The following PRDM5 variants were observed in gnomAD, a reference collection of about 807,000 sequenced individuals.
PRDM5 encodes PR domain zinc finger protein 5.
In PRDM5, 56 loss-of-function variants were observed where a neutral mutation model predicts 81.2. The observed-to-expected ratio is 0.69, with a 90% confidence interval of 0.56 to 0.86. The LOEUF (loss-of-function observed/expected upper bound fraction) is 0.86. Ranked by LOEUF, PRDM5 falls within the 40% of genes least tolerant of loss-of-function variation. The pLI, the probability that PRDM5 is intolerant of heterozygous loss-of-function variation, is 0.00. For missense variants in PRDM5, 697 were observed against 770.1 expected (o/e 0.91, Z 1.12); for synonymous variants, 267 against 256.4 (o/e 1.04, Z -0.39).
chr4:120,807,266 T>A (rs183588322), intron 8 of PRDM5, among the ~76,000 whole-genome samples: 1 of 152,336 alleles, frequency 6.6e-6, no homozygotes, highest in East Asian at 1.9e-4. Context: ...TGTAAATTAG[T>A]TCAACCATTG....
At chr4:120,792,233 T>C (rs1750682104) in intron 10 of PRDM5, among the ~76,000 whole-genome samples, 1 of 152,180 alleles carries the variant, frequency 6.6e-6, no homozygotes, top group Non-Finnish European at 1.5e-5. Context: ...CATGTGGTAA[T>C]AATTAACAAA....
intron 10 of PRDM5, among the ~76,000 whole-genome samples, chr4:120,792,954 AG>A (rs1561254664): frequency 6.6e-6 from 1 of 152,140 alleles, no homozygotes; most frequent in Non-Finnish European, 1.5e-5. Flanking sequence ...ATGTTGGTCA[AG>A]GGATACAAAG....
At chr4:120,863,126 C>G (rs1184092115) in intron 2 of PRDM5, among the ~76,000 whole-genome samples, 1 of 141,194 alleles carries the variant, frequency 7.1e-6, no homozygotes, top group East Asian at 2.1e-4. Flanking sequence ...CTATTACACT[C>G]CAGCCTGGGT....
At chr4:120,775,033 C>G (rs1487399209) in intron 13 of PRDM5, among the ~76,000 whole-genome samples, 1 of 150,312 alleles carries the variant, frequency 6.7e-6, no homozygotes, top group African/African-American at 2.4e-5. Flanking sequence ...ATTTCTTTAT[C>G]TATCAATCAA....
chr4:120,835,957 G>A (rs1433506870), intron 3 of PRDM5, among the ~76,000 whole-genome samples: 1 of 152,142 alleles, frequency 6.6e-6, no homozygotes, highest in Non-Finnish European at 1.5e-5. Flanking sequence ...AAAGCATCAA[G>A]TGGCTTCATA....
chr4:120,822,465 A>T (rs1755406812), intron 3 of PRDM5, among the ~76,000 whole-genome samples: 1 of 152,174 alleles, frequency 6.6e-6, no homozygotes, highest in Non-Finnish European at 1.5e-5. Flanking sequence ...TATGTTTAAA[A>T]GCAGGAGGAG....
In PRDM5 at chr4:120,777,039, A is replaced by C. The variant is rs1347808168; in HGVS notation, c.1537+149T>G. The C allele has an allele frequency of 2.8e-6, 4 of 1,428,546 alleles. No individual in the cohort carries two copies. The African/African-American group carries it at 5.8e-5, about 21-fold the overall frequency. The allele number at this position is 1,428,546 out of a possible 1,614,324, so 88.5% of individuals were successfully genotyped here. On this transcript the variant is annotated intron_variant, in intron 13 of 15. Coordinates refer to ENST00000264808, the MANE Select transcript of PRDM5 (RefSeq NM_018699.4). ...ATTCCAAATTCTTCTAGATGAAAAAACTGGGTTGTACAATGCTTTAAGAGA... is the reference window on the plus strand; with the variant it reads ...ATTCCAAATTCTTCTAGATGAAAAACCTGGGTTGTACAATGCTTTAAGAGA...
intron 14 of PRDM5, among the ~76,000 whole-genome samples, chr4:120,738,357 C>A (rs116150934): frequency 0.011 from 1,722 of 152,300 alleles, 34 homozygotes; most frequent in African/African-American, 0.039. Context: ...GGTGATGAAC[C>A]TATTCACTTT....
At chr4:120,718,175 A>G (rs1578462481) in intron 14 of PRDM5, among the ~76,000 whole-genome samples, 1 of 152,326 alleles carries the variant, frequency 6.6e-6, no homozygotes, top group East Asian at 1.9e-4. Context: ...TCTTGCTCAA[A>G]GCTGTAATAA....
chr4:120,830,209 T>C (rs1756532296), intron 3 of PRDM5, among the ~76,000 whole-genome samples: 1 of 152,080 alleles, frequency 6.6e-6, no homozygotes, highest in Non-Finnish European at 1.5e-5. Flanking sequence ...CTTTCCCAAC[T>C]TGCTATGTGA....
chr4:120,830,278 A>C (rs1756546497), intron 3 of PRDM5, among the ~76,000 whole-genome samples: 1 of 152,040 alleles, frequency 6.6e-6, no homozygotes, highest in South Asian at 2.1e-4. Flanking sequence ...GGTGACTTGC[A>C]CTAACCGATG....
intron 12 of PRDM5, among the ~76,000 whole-genome samples, chr4:120,779,851 G>A (rs896757884): frequency 2.0e-5 from 3 of 151,756 alleles, no homozygotes; most frequent in Non-Finnish European, 4.4e-5. Context: ...TGTGGAGAGC[G>A]GAGAGCCGAG....
Position 120,818,538 on chromosome 4 carries a change from A to T in PRDM5, c.476-11T>A. 6.2e-7 allele frequency: 1 copy of T among 1,609,164 alleles called. No homozygotes were observed. Among genetic ancestry groups the T allele is most frequent in the Non-Finnish European group, 8.5e-7 (1 of 1,175,574 alleles). On this transcript the variant is annotated splice_polypyrimidine_tract_variant and intron_variant, in intron 4 of 15. Transcript: ENST00000264808. ...TACAGCCAAGGCGATCTGCACATTC[A>T]CAAGGAAACATATTCATGAGACAAA...
chr4:120,887,584 C>T (rs984760013), intron 2 of PRDM5, among the ~76,000 whole-genome samples: 2 of 152,126 alleles, frequency 1.3e-5, no homozygotes, highest in Non-Finnish European at 2.9e-5. Context: ...TCCTACACAC[C>T]ACTACTGGTC....
chr4:120,900,454 A>C (rs1047608700), intron 2 of PRDM5, among the ~76,000 whole-genome samples: 7 of 152,202 alleles, frequency 4.6e-5, no homozygotes, highest in Non-Finnish European at 1.0e-4. Flanking sequence ...AATATCATAC[A>C]TGCTCATTAA....
intron 2 of PRDM5, among the ~76,000 whole-genome samples, chr4:120,872,805 T>C (rs895429634): frequency 5.3e-5 from 8 of 152,060 alleles, no homozygotes; most frequent in Non-Finnish European, 7.4e-5. Flanking sequence ...GAAAGTAGCA[T>C]GGTGATTACC....
chr4:120,863,030 A>G (rs1760779322), intron 2 of PRDM5, among the ~76,000 whole-genome samples: 1 of 151,346 alleles, frequency 6.6e-6, no homozygotes, highest in African/African-American at 2.4e-5. Context: ...ATGGTAGCAC[A>G]TGCCTATAAA....
intron 3 of PRDM5, among the ~76,000 whole-genome samples, chr4:120,851,255 A>G (rs1759230055): frequency 1.3e-5 from 2 of 152,100 alleles, no homozygotes; most frequent in South Asian, 4.1e-4. Flanking sequence ...CACAATCACA[A>G]TGATGGAGAA....
chr4:120,783,619 A>G (rs1238637607), intron 11 of PRDM5, among the ~76,000 whole-genome samples: 1 of 152,168 alleles, frequency 6.6e-6, no homozygotes, highest in Non-Finnish European at 1.5e-5. Context: ...TTCATCTCAT[A>G]ACAGTTATTT....
Sources: allele counts gnomAD v4.1 joint callset (sites outside exome capture counted in the v4.1 genomes callset), GRCh38; gene constraint gnomAD v4.1.1; transcripts MANE v1.5; gene names NCBI Gene and HGNC (gene_info 2026-07-23, HGNC 2026-07-21).